ROBO1: variants seen among roughly 807,000 people sequenced by gnomAD.
ROBO1 encodes the protein roundabout homolog 1.
Under a neutral mutation model 195.9 loss-of-function variants are expected in ROBO1, and 149 were observed. That is an observed-to-expected ratio of 0.76 (90% CI 0.67 to 0.87). The LOEUF (loss-of-function observed/expected upper bound fraction) is 0.87, where lower values mean the gene tolerates loss of function less well. ROBO1 is among the 40% of genes least tolerant of loss of function. The probability of loss-of-function intolerance (pLI) is 0.00; values close to 1 mark genes in which losing one functional copy is unlikely to be tolerated. For synonymous variants in ROBO1, 816 were observed against 733.2 expected, an observed-to-expected ratio of 1.11 and a Z score of -1.82; for missense variants, 1,933 against 2,068.3, an observed-to-expected ratio of 0.93 and a Z score of 1.27.
chr3:78,973,508 TTA>T (rs959343297), intron 3 of ROBO1, among the ~76,000 whole-genome samples: 1 of 144,774 alleles, frequency 6.9e-6, no homozygotes, highest in South Asian at 2.1e-4. Context: ...TATATATATA[TTA>T]TATATATAAG....
chr3:79,258,157 G>T (rs2082872927), intron 2 of ROBO1, among the ~76,000 whole-genome samples: 1 of 151,370 alleles, frequency 6.6e-6, no homozygotes, highest in Non-Finnish European at 1.5e-5. Flanking sequence ...TTCTCCACAT[G>T]TCTAATTTTA....
chr3:79,484,492 C>CAT (rs751905906), intron 2 of ROBO1, among the ~76,000 whole-genome samples: 46 of 151,230 alleles, frequency 3.0e-4, no homozygotes, highest in Middle Eastern at 3.4e-3. Flanking sequence ...GGATTTCAGG[C>CAT]ATATATATAT....
intron 4 of ROBO1, among the ~76,000 whole-genome samples, chr3:78,908,024 G>C (rs1248513414): frequency 6.6e-6 from 1 of 151,828 alleles, no homozygotes; most frequent in Admixed American, 6.6e-5. Context: ...TTCTAAAATA[G>C]TAAATTGTAT....
At chr3:78,882,168 A>C in intron 4 of ROBO1, among the ~76,000 whole-genome samples, 1 of 152,306 alleles carries the variant, frequency 6.6e-6, no homozygotes, top group Admixed American at 6.5e-5. Flanking sequence ...TAAAAATAGT[A>C]GAGATACAGG....
intron 2 of ROBO1, among the ~76,000 whole-genome samples, chr3:79,145,512 A>T (rs2080630146): frequency 6.6e-6 from 1 of 152,008 alleles, no homozygotes; most frequent in African/African-American, 2.4e-5. Context: ...TGGTCATTTG[A>T]AATAAATATA....
chr3:78,948,912 T>A (rs2040612926), intron 3 of ROBO1, among the ~76,000 whole-genome samples: 1 of 152,054 alleles, frequency 6.6e-6, no homozygotes, highest in African/African-American at 2.4e-5. Flanking sequence ...CCATTCACAA[T>A]TGCTTCAAAG....
intron 3 of ROBO1, among the ~76,000 whole-genome samples, chr3:78,965,297 G>A (rs2076617014): frequency 6.6e-6 from 1 of 152,064 alleles, no homozygotes; most frequent in Non-Finnish European, 1.5e-5. Flanking sequence ...ATTTAATGCT[G>A]AATTCCATGC....
chr3:78,903,550 T>TACACACAC (rs146975185), intron 4 of ROBO1, among the ~76,000 whole-genome samples: 20 of 143,370 alleles, frequency 1.4e-4, no homozygotes, highest in African/African-American at 4.3e-4. Flanking sequence ...ATAAAAGAAG[T>TACACACAC]ACACACACAC....
In ROBO1 at chr3:79,569,495, A is replaced by G. The variant is rs544512175; in HGVS notation, c.88+20329T>C. Among the ~76,000 whole-genome samples, 4 of 152,262 alleles carry G rather than the reference A, an allele frequency of 2.6e-5. No homozygotes were observed. The South Asian group carries it at 6.2e-4, about 24-fold the overall frequency. ...AATTTTTAAGTCATTTGAATATACAAGTTTCAATGTTTTCATGTATATTAT... is the reference window on the plus strand; with the variant it reads ...AATTTTTAAGTCATTTGAATATACAGGTTTCAATGTTTTCATGTATATTAT... On this transcript the variant is annotated intron_variant, in intron 2 of 30. Coordinates refer to ENST00000464233, the MANE Select transcript of ROBO1 (RefSeq NM_002941.4).
chr3:79,247,462 T>C (rs1297102193), intron 2 of ROBO1, among the ~76,000 whole-genome samples: 1 of 151,748 alleles, frequency 6.6e-6, no homozygotes, highest in East Asian at 1.9e-4. Flanking sequence ...TTGTCAACAA[T>C]TGACCTCGAA....
chr3:78,753,395 C>T (rs369783195), intron 4 of ROBO1, among the ~76,000 whole-genome samples: 7 of 152,136 alleles, frequency 4.6e-5, no homozygotes, highest in African/African-American at 1.2e-4. Context: ...GTGCAAAATA[C>T]TCCCTAGTGC....
chr3:79,010,020 T>A (rs781277952), intron 3 of ROBO1, among the ~76,000 whole-genome samples: 1 of 152,194 alleles, frequency 6.6e-6, no homozygotes, highest in Non-Finnish European at 1.5e-5. Flanking sequence ...TTCTGTGTTG[T>A]AGAGTGTGTA....
chr3:79,259,969 A>C (rs2082909062), intron 2 of ROBO1, among the ~76,000 whole-genome samples: 1 of 152,214 alleles, frequency 6.6e-6, no homozygotes, highest in South Asian at 2.1e-4. Context: ...AGGCAAATGT[A>C]GCTTTCCCTC....
intron 28 of ROBO1, among the ~76,000 whole-genome samples, chr3:78,611,277 T>C (rs1703789511): frequency 6.6e-6 from 1 of 152,144 alleles, no homozygotes; most frequent in Non-Finnish European, 1.5e-5. Flanking sequence ...GGTGGTGAAT[T>C]TATAATTTAT....
At chr3:79,501,062 C>G (rs1940044616) in intron 2 of ROBO1, among the ~76,000 whole-genome samples, 2 of 152,270 alleles carry the variant, frequency 1.3e-5, no homozygotes, top group South Asian at 4.1e-4. Context: ...TTTGGCAACA[C>G]CATACCTCTA....
chr3:79,019,022 C>G (rs1576576129), intron 3 of ROBO1: 1 of 989,496 alleles, frequency 1.0e-6, no homozygotes, highest in African/African-American at 1.7e-5. Context: ...GGGAGTGTGA[C>G]TGGGTGACTC....
intron 2 of ROBO1, among the ~76,000 whole-genome samples, chr3:79,397,315 A>C (rs1267103256): frequency 1.3e-5 from 2 of 151,884 alleles, no homozygotes; most frequent in Non-Finnish European, 2.9e-5. Flanking sequence ...CTACAGCTAA[A>C]TTTGCTCTTC....
At chr3:78,870,848 C>T (rs1411727106) in intron 4 of ROBO1, among the ~76,000 whole-genome samples, 1 of 152,042 alleles carries the variant, frequency 6.6e-6, no homozygotes, top group East Asian at 1.9e-4. Context: ...TGGACCTGGC[C>T]CTCTACTTAA....
chr3:79,279,705 T>A (rs1215929755), intron 2 of ROBO1, among the ~76,000 whole-genome samples: 1 of 152,150 alleles, frequency 6.6e-6, no homozygotes, highest in South Asian at 2.1e-4. Flanking sequence ...CTGTAATTAG[T>A]GCTGCAATAA....
Sources: allele counts gnomAD v4.1 joint callset (sites outside exome capture counted in the v4.1 genomes callset), GRCh38; gene constraint gnomAD v4.1.1; transcripts MANE v1.5; gene names NCBI Gene and HGNC (gene_info 2026-07-23, HGNC 2026-07-21).